The following SEMA5A variants were observed in gnomAD, a reference collection of about 807,000 sequenced individuals.
SEMA5A encodes semaphorin-5A.
Under a neutral mutation model 135.5 loss-of-function variants are expected in SEMA5A, and 55 were observed. That is an observed-to-expected ratio of 0.41 (90% confidence interval 0.33 to 0.51). The LOEUF is 0.51. Ranked by LOEUF, SEMA5A falls within the 20% of genes least tolerant of loss-of-function variation. SEMA5A has a pLI of 0.37. For synonymous variants in SEMA5A, 580 were observed against 546.5 expected (o/e 1.06, Z -0.85); for missense variants, 1,290 against 1,419.9 (o/e 0.91, Z 1.47).
intron 16 of SEMA5A, among the ~76,000 whole-genome samples, chr5:9,104,027 TAGGAG>T (rs1739772286): frequency 6.6e-6 from 1 of 152,284 alleles, no homozygotes; most frequent in East Asian, 1.9e-4. Context: ...TCAACCTAAA[TAGGAG>T]TAAAGTAAGG....
intron 1 of SEMA5A, among the ~76,000 whole-genome samples, chr5:9,526,607 T>C (rs1737138177): frequency 6.6e-6 from 1 of 152,208 alleles, no homozygotes; most frequent in South Asian, 2.1e-4. Flanking sequence ...CATGAACTTG[T>C]TAGCTATGAG....
chr5:9,237,684 A>C (rs1579684308), intron 6 of SEMA5A, 144 bp downstream of exon 6: 1 of 534,642 alleles, frequency 1.9e-6, no homozygotes, highest in Non-Finnish European at 3.2e-6. Flanking sequence ...AAACTTGAGA[A>C]TATACCGTAT....
chr5:9,520,049 G>C (rs1378614330), intron 1 of SEMA5A: 2 of 152,222 alleles, frequency 1.3e-5, no homozygotes, highest in Non-Finnish European at 2.9e-5. Context: ...AAGCCAAAGA[G>C]AGCCAAGTGA....
intron 5 of SEMA5A, among the ~76,000 whole-genome samples, chr5:9,311,457 A>C (rs1752128389): frequency 6.6e-6 from 1 of 151,996 alleles, no homozygotes; most frequent in Non-Finnish European, 1.5e-5. Flanking sequence ...CATGGATGAA[A>C]TTGGAAATCA....
At chr5:9,269,204 C>CT (rs1312119664) in intron 5 of SEMA5A, among the ~76,000 whole-genome samples, 1 of 152,136 alleles carries the variant, frequency 6.6e-6, no homozygotes, top group African/African-American at 2.4e-5. Context: ...ATTACTGAGA[C>CT]TAGCACCCTG....
intron 1 of SEMA5A, among the ~76,000 whole-genome samples, chr5:9,459,648 C>T (rs928655823): frequency 6.6e-6 from 1 of 152,212 alleles, no homozygotes; most frequent in Non-Finnish European, 1.5e-5. Flanking sequence ...CAGATCTAGA[C>T]TCCCAATCCA....
intron 1 of SEMA5A, among the ~76,000 whole-genome samples, chr5:9,451,196 T>C (rs1201819880): frequency 2.6e-5 from 4 of 152,212 alleles, no homozygotes; most frequent in Non-Finnish European, 5.9e-5. Context: ...TGCTGCATGC[T>C]AATATAAAAT....
intron 1 of SEMA5A, among the ~76,000 whole-genome samples, chr5:9,454,555 A>T (rs190802903): frequency 1.5e-3 from 226 of 152,348 alleles, no homozygotes; most frequent in African/African-American, 5.1e-3. Context: ...GTTTTTTTCC[A>T]ATCCAGGAAA....
chr5:9,123,194 G>C (rs1740910736), intron 13 of SEMA5A, among the ~76,000 whole-genome samples: 2 of 139,860 alleles, frequency 1.4e-5, no homozygotes, highest in Admixed American at 1.5e-4. Context: ...GGGAGGTGGA[G>C]CTTGCAGTGA....
At chr5:9,148,454 A>C (rs1213477441) in intron 12 of SEMA5A, among the ~76,000 whole-genome samples, 1 of 152,176 alleles carries the variant, frequency 6.6e-6, no homozygotes, top group Admixed American at 6.5e-5. Context: ...CTTTGGCCCC[A>C]GGATCCTCCC....
intron 8 of SEMA5A, among the ~76,000 whole-genome samples, chr5:9,214,497 T>C (rs1487374034): frequency 1.3e-5 from 2 of 152,168 alleles, no homozygotes; most frequent in African/African-American, 4.8e-5. Context: ...CCAAGAGACT[T>C]AGCTTGCTAA....
chr5:9,540,902 A>G (rs1341926775), intron 1 of SEMA5A, among the ~76,000 whole-genome samples: 1 of 152,150 alleles, frequency 6.6e-6, no homozygotes, highest in East Asian at 1.9e-4. Flanking sequence ...GTGGAATTTT[A>G]TTTGAAGTCA....
intron 1 of SEMA5A, among the ~76,000 whole-genome samples, chr5:9,468,724 T>C (rs1759359539): frequency 6.6e-6 from 1 of 152,196 alleles, no homozygotes; most frequent in Non-Finnish European, 1.5e-5. Flanking sequence ...ACTCGGCCAA[T>C]CTCCAGCTAC....
chr5:9,085,606 G>A (rs1738636745), intron 16 of SEMA5A, among the ~76,000 whole-genome samples: 1 of 152,218 alleles, frequency 6.6e-6, no homozygotes, highest in Admixed American at 6.5e-5. Flanking sequence ...TTTAGAGGAT[G>A]TATGGAAACA....
intron 5 of SEMA5A, among the ~76,000 whole-genome samples, chr5:9,283,981 AATAGATAG>A (rs112263303): frequency 1.3e-5 from 2 of 152,094 alleles, no homozygotes; most frequent in Admixed American, 6.5e-5. Flanking sequence ...CTTACTAAAA[AATAGATAG>A]ATAGATAGAT....
chr5:9,278,993 C>G lies in SEMA5A; in HGVS notation c.270+39379G>C, dbSNP rs1407000209. On this transcript the variant is annotated intron_variant, in intron 5 of 22. Coordinates refer to ENST00000382496, the MANE Select transcript of SEMA5A (RefSeq NM_003966.3). ...TATGGACTCCCCATTGGAACACTGC[C>G]TAGTGGAGCTGGCAGAAGAGGGCCA... Among the ~76,000 whole-genome samples, 3 of 152,318 alleles carry G rather than the reference C, an allele frequency of 2.0e-5. No individual in the cohort carries two copies. In the East Asian group the frequency reaches 5.8e-4, roughly 29 times the overall value.
Position 9,463,217 on chromosome 5 carries a change from G to A in SEMA5A, c.-174-25365C>T, listed in dbSNP as rs575389382. On this transcript the variant is annotated intron_variant, in intron 1 of 22. Transcript: ENST00000382496. ...AAACAGTGAAAGCGTTCTCAAGTGC[G>A]AAGTATGGATTCTGACAACGAATTC... is the stretch of plus-strand genomic sequence containing the variant. 7.3e-4 allele frequency among the ~76,000 whole-genome samples: 111 copies of A among 152,262 alleles called. 1 individual carries two copies. The highest frequency in any genetic ancestry group is 6.0e-3 in the South Asian group (29 of 4,828).
chr5:9,265,495 G>T, intron 5 of SEMA5A: 1 of 456,322 alleles, frequency 2.2e-6, no homozygotes, highest in Non-Finnish European at 4.4e-6. Context: ...TCTGCCGCGG[G>T]ACTCCCATGT....
chr5:9,188,382 G>C (rs1744918104), intron 11 of SEMA5A, among the ~76,000 whole-genome samples: 1 of 152,186 alleles, frequency 6.6e-6, no homozygotes, highest in African/African-American at 2.4e-5. Flanking sequence ...AAAAATAGAG[G>C]AGTTTCATCA....
Sources: allele counts gnomAD v4.1 joint callset (sites outside exome capture counted in the v4.1 genomes callset), GRCh38; gene constraint gnomAD v4.1.1; transcripts MANE v1.5; gene names NCBI Gene and HGNC (gene_info 2026-07-23, HGNC 2026-07-21).